The following ACOD1 variants were observed in gnomAD, a reference collection of about 807,000 sequenced individuals.
ACOD1 encodes aconitate decarboxylase 1.
Under a neutral mutation model 14.2 loss-of-function variants are expected in ACOD1, and 14 were observed. The ratio of observed to expected loss-of-function variants is 0.99; its 90% CI spans 0.65 to 1.54. The LOEUF (loss-of-function observed/expected upper bound fraction) is 1.54, where lower values mean the gene tolerates loss of function less well. Ranked by LOEUF, ACOD1 falls within the 40% of genes most tolerant of loss-of-function variation. The pLI is 0.00. For missense variants in ACOD1, 530 were observed against 586.3 expected (o/e 0.90, Z 0.99); for synonymous variants, 182 against 221.7 (o/e 0.82, Z 1.59).
rs1326303795 is a variant in ACOD1, at chr13:76,957,584, G to A, written c.1045G>A (p.Val349Ile). Residue 349 changes from valine (V) to isoleucine (I), a missense_variant, in exon 5 of 5, where the codon GTC becomes ATC. Transcript: ENST00000377462. ...CATGCTGCTTGATGGTGGCATCACT[G>A]TCCCCTCATTCCATGAATGCCAGAT... ...CAMLLDGGIT[V>I]PSFHECQINR... 3.2e-6 allele frequency: 5 copies of A among 1,550,624 alleles called. No homozygotes were observed. The South Asian group carries it at 5.9e-5, about 18-fold the overall frequency.
At chr13:76,949,547 C>T (rs2137743092) in intron 1 of ACOD1, among the ~76,000 whole-genome samples, 1 of 152,244 alleles carries the variant, frequency 6.6e-6, no homozygotes, top group East Asian at 1.9e-4. Context: ...GCTCCACCTT[C>T]CTGTATCACC....
At position 76,957,794 on chromosome 13, in the gene ACOD1, G is replaced by A; in HGVS notation, c.1255G>A (p.Glu419Lys). 6.4e-7 allele frequency: 1 copy of A among 1,550,942 alleles called. No homozygotes were observed. The highest frequency in any genetic ancestry group is 2.4e-5 in the East Asian group (1 of 40,918). Residue 419 changes from glutamate to lysine, a missense_variant, in exon 5 of 5, where the codon GAG becomes AAG. Coordinates refer to ENST00000377462, the MANE Select transcript of ACOD1 (RefSeq NM_001258406.2). ...WRKPLSQEDL[E>K]EKFRANASKM... ...AAAACCACTGAGCCAGGAGGACCTA[G>A]AGGAAAAGTTCAGAGCCAATGCCTC...
chr13:76,951,270 C>T (rs2033818660), intron 1 of ACOD1, among the ~76,000 whole-genome samples: 1 of 152,188 alleles, frequency 6.6e-6, no homozygotes, highest in Admixed American at 6.5e-5. Flanking sequence ...GAGTCTCACT[C>T]TGTTGCCCAG....
In ACOD1 at chr13:76,952,569, G is replaced by A. The variant is rs1290721919; in HGVS notation, c.93G>A (p.Lys31=). ...HLTDRVIQRS[K]RMILDTLGAG... ...CAGATCGTGTTATTCAGAGGAGCAA[G>A]AGGATGATTCTAGACACTCTGGGTG... Residue 31 remains lysine, a synonymous_variant, in exon 2 of 5, where the codon AAG becomes AAA. Coordinates refer to ENST00000377462, the MANE Select transcript of ACOD1 (RefSeq NM_001258406.2). 3.9e-5 allele frequency: 61 copies of A among 1,550,338 alleles called. No homozygotes were observed. Among genetic ancestry groups the A allele is most frequent in the Non-Finnish European group, 5.1e-5 (59 of 1,146,922 alleles).
intron 2 of ACOD1, among the ~76,000 whole-genome samples, chr13:76,953,222 C>A (rs868452888): frequency 1.6e-4 from 24 of 152,128 alleles, no homozygotes; most frequent in Middle Eastern, 3.2e-3. Flanking sequence ...TGGAGAAAAG[C>A]CTGGTCAAGT....
Position 76,952,558 on chromosome 13 carries a change from CAG to C in ACOD1, c.85_86del (p.Arg29GlufsTer28). On this transcript the variant is annotated frameshift_variant, in exon 2 of 5. Transcript: ENST00000377462. LOFTEE classifies it high-confidence loss of function. ...KVGHLTDRVI[Q>X]RSKRMILDTL... is the part of the protein sequence containing the mutation. ...GGGACACCTGACAGATCGTGTTATT[CAG>C]AGGAGCAAGAGGATGATTCTAGACA... 1 of 1,550,412 alleles carries C rather than the reference CAG, an allele frequency of 6.4e-7. No homozygotes were observed. Among genetic ancestry groups the C allele is most frequent in the Non-Finnish European group, 8.7e-7 (1 of 1,146,942 alleles).
intron 1 of ACOD1, among the ~76,000 whole-genome samples, chr13:76,951,183 C>T (rs2033817700): frequency 6.6e-6 from 1 of 152,134 alleles, no homozygotes; most frequent in Non-Finnish European, 1.5e-5. Flanking sequence ...CAATTAATAA[C>T]ATGTTTTATT....
At chr13:76,955,563 C>A in intron 4 of ACOD1, 39 bp downstream of exon 4, 2 of 1,501,732 alleles carry the variant, frequency 1.3e-6, no homozygotes, top group Non-Finnish European at 1.8e-6. Flanking sequence ...GTAGTCACAT[C>A]CCCTTCATCT....
In ACOD1 at chr13:76,957,160, GC is replaced by G; in HGVS notation, c.625del (p.Leu209SerfsTer11). ...PMANAATQTK[P>X]LHIGNAAKHG... is the part of the protein sequence containing the mutation. ...TGGCCAATGCTGCCACCCAGACCAA[GC>G]CCCTCCACATTGGCAATGCTGCCAA... On this transcript the variant is annotated frameshift_variant, in exon 5 of 5. Transcript: ENST00000377462. LOFTEE classifies it low-confidence loss of function (END_TRUNC). The G allele has an allele frequency of 6.4e-7, 1 of 1,550,634 alleles. No individual in the cohort carries two copies. The highest frequency in any genetic ancestry group is 8.7e-7 in the Non-Finnish European group (1 of 1,147,012).
At chr13:76,955,191 G>T in intron 3 of ACOD1, 128 bp from the exon 4 acceptor site, 4 of 528,960 alleles carry the variant, frequency 7.6e-6, no homozygotes, top group South Asian at 3.7e-5. Flanking sequence ...TTTCTTTTCT[G>T]AGAATCAGAT....
intron 3 of ACOD1, among the ~76,000 whole-genome samples, 179 bp from the exon 4 acceptor site, chr13:76,955,126 CAAAAAAAAAAAAAA>C (rs34230053): frequency 2.0e-5 from 2 of 98,868 alleles, no homozygotes; most frequent in East Asian, 3.4e-4. Context: ...GACTCTGTCT[CAAAAAAAAAAAAAA>C]AAAAAAAAAA....
Position 76,957,875 on chromosome 13 carries a change from G to C in ACOD1, c.1336G>C (p.Glu446Gln). ...ESLIKIVKNL[E>Q]DLEDCSVLTT... is the part of the protein sequence containing the mutation. ...CCTTATAAAGATAGTCAAAAATCTA[G>C]AAGACCTAGAAGACTGTTCTGTGTT... The change falls in exon 5 of 5, where the codon GAA (glutamate) becomes CAA (glutamine). Residue 446 changes from glutamate (E) to glutamine (Q), a missense_variant. Coordinates refer to ENST00000377462, the MANE Select transcript of ACOD1 (RefSeq NM_001258406.2). The C allele has an allele frequency of 6.4e-7, 1 of 1,551,000 alleles. No homozygotes were observed. Among genetic ancestry groups the C allele is most frequent in the Non-Finnish European group, 8.7e-7 (1 of 1,147,082 alleles).
In ACOD1 at chr13:76,952,651, G is replaced by A. The variant is rs942853377; in HGVS notation, c.174+1G>A. On this transcript the variant is annotated splice_donor_variant, in intron 2 of 4. Transcript: ENST00000377462. LOFTEE classifies it high-confidence loss of function. ...TCACATAGCCAGCCAATATAGCAAG[G>A]TAAGAAGCTCAAGGTCTACATTAGA... is the stretch of plus-strand genomic sequence containing the variant. 7.1e-6 allele frequency: 11 copies of A among 1,549,384 alleles called. No homozygotes were observed. Among genetic ancestry groups the A allele is most frequent in the Middle Eastern group, 3.4e-4 (2 of 5,942 alleles).
chr13:76,952,102 T>A (rs1193313410), intron 1 of ACOD1, among the ~76,000 whole-genome samples: 2 of 152,114 alleles, frequency 1.3e-5, no homozygotes, highest in African/African-American at 4.8e-5. Flanking sequence ...GCCTGGCAGG[T>A]GTCTCATAAT....
intron 1 of ACOD1, among the ~76,000 whole-genome samples, chr13:76,949,075 C>T (rs1046291051): frequency 2.0e-5 from 3 of 152,098 alleles, no homozygotes; most frequent in Non-Finnish European, 4.4e-5. Context: ...ACACCATGCT[C>T]GCTAACTCGG....
At position 76,955,373 on chromosome 13, in the gene ACOD1, GC is replaced by G; in HGVS notation, c.320del (p.Ala107ValfsTer9). ...GCACCCTGCCACCCACCCTTCTGGG[GC>G]TGTCCTTCCTGTCCTCACAGCTTTA... ...TWHPATHPSG[A>X]VLPVLTALAE... On this transcript the variant is annotated frameshift_variant, in exon 4 of 5. Transcript: ENST00000377462. LOFTEE classifies it high-confidence loss of function. The G allele has an allele frequency of 6.4e-7, 1 of 1,550,608 alleles. No individual in the cohort carries two copies.
At chr13:76,950,470 G>A (rs2137743924) in intron 1 of ACOD1, among the ~76,000 whole-genome samples, 1 of 152,318 alleles carries the variant, frequency 6.6e-6, no homozygotes, top group East Asian at 1.9e-4. Flanking sequence ...GAATTGCAGA[G>A]TACTCCACTG....
At chr13:76,949,781 G>T (rs981423952) in intron 1 of ACOD1, among the ~76,000 whole-genome samples, 1 of 152,140 alleles carries the variant, frequency 6.6e-6, no homozygotes, top group African/African-American at 2.4e-5. Context: ...TAGAGTCAGG[G>T]ATCCAATCAA....
At chr13:76,955,148 A>G (rs932858673) in intron 3 of ACOD1, among the ~76,000 whole-genome samples, 171 bp from the exon 4 acceptor site, 10 of 150,836 alleles carry the variant, frequency 6.6e-5, no homozygotes, top group Non-Finnish European at 8.9e-5. Context: ...AAAAAAAAAA[A>G]AAAAGAAAAA....
Sources: allele counts gnomAD v4.1 joint callset (sites outside exome capture counted in the v4.1 genomes callset), GRCh38; gene constraint gnomAD v4.1.1; transcripts MANE v1.5; gene names NCBI Gene and HGNC (gene_info 2026-07-23, HGNC 2026-07-21).